The following NYAP2 variants were observed in gnomAD, a reference collection of about 807,000 sequenced individuals.
NYAP2 encodes the protein neuronal tyrosine-phosphorylated phosphoinositide-3-kinase adapter 2.
NYAP2 carries 23 observed loss-of-function variants against 50.4 expected under a neutral mutation model. That is an observed-to-expected ratio of 0.46 (90% CI 0.33 to 0.65). The LOEUF (loss-of-function observed/expected upper bound fraction) is 0.65. Among genes scored for constraint, NYAP2 ranks in the 30% least tolerant of loss-of-function variants. The probability of loss-of-function intolerance (pLI) is 0.02; values close to 1 mark genes in which losing one functional copy is unlikely to be tolerated. For synonymous variants in NYAP2, 394 were observed against 365.2 expected (o/e 1.08, Z -0.90); for missense variants, 885 against 861.0 (o/e 1.03, Z -0.35).
At chr2:225,689,988 C>G in the NYAP2 span, among the ~76,000 whole-genome samples, 940 of 152,204 alleles carry the variant, frequency 6.2e-3, 15 homozygotes, top group African/African-American at 0.021. Flanking sequence ...AAAGCCCCTA[C>G]TATTTTGGTA....
At chr2:225,481,840 T>C (rs1167433875) in intron 3 of NYAP2, among the ~76,000 whole-genome samples, 2 of 152,116 alleles carry the variant, frequency 1.3e-5, no homozygotes, top group African/African-American at 4.8e-5. Context: ...TGGTCCAACA[T>C]TGTGCTAAGT....
Position 225,639,475 on chromosome 2 carries a change from C to CT in NYAP2, c.1829-11948dup, listed in dbSNP as rs533076137. 1.9e-3 allele frequency among the ~76,000 whole-genome samples: 285 copies of CT among 150,866 alleles called. 1 individual carries two copies. The highest frequency in any genetic ancestry group is 3.1e-3 in the Non-Finnish European group (210 of 67,628). ...TGGTATCATTATCTGACATTTTTTTCTTTTTTTTTGGTGATAAAACTGAGG... is the reference window on the plus strand; with the variant it reads ...TGGTATCATTATCTGACATTTTTTTCTTTTTTTTTTGGTGATAAAACTGAGG... On this transcript the variant is annotated intron_variant, in intron 6 of 6. Coordinates refer to ENST00000636099, the Ensembl canonical transcript of NYAP2.
chr2:225,615,229 G>T (rs908246850), intron 5 of NYAP2, among the ~76,000 whole-genome samples: 2 of 152,164 alleles, frequency 1.3e-5, no homozygotes, highest in African/African-American at 4.8e-5. Context: ...CATGTGGCTA[G>T]TCTCTTGACT....
At chr2:225,467,389 T>C (rs1029457292) in intron 3 of NYAP2, among the ~76,000 whole-genome samples, 2 of 152,172 alleles carry the variant, frequency 1.3e-5, no homozygotes, top group African/African-American at 4.8e-5. Flanking sequence ...AGTTAAAAAC[T>C]GCCTGACCAT....
chr2:225,423,277 C>G (rs1381445263), intron 3 of NYAP2, among the ~76,000 whole-genome samples: 3 of 152,122 alleles, frequency 2.0e-5, no homozygotes, highest in Non-Finnish European at 4.4e-5. Flanking sequence ...ATGCAGTGAC[C>G]CTGTCTATCC....
At chr2:225,446,779 A>G (rs1689571629) in intron 3 of NYAP2, among the ~76,000 whole-genome samples, 1 of 152,174 alleles carries the variant, frequency 6.6e-6, no homozygotes, top group African/African-American at 2.4e-5. Context: ...TAACAGGGCC[A>G]CAAGGATGAC....
chr2:225,696,153 A>T, the NYAP2 span, among the ~76,000 whole-genome samples: 1 of 152,112 alleles, frequency 6.6e-6, no homozygotes, highest in Non-Finnish European at 1.5e-5. Flanking sequence ...AATTAGAAAA[A>T]TATCAACTCT....
intron 5 of NYAP2, among the ~76,000 whole-genome samples, chr2:225,622,793 C>T (rs1693144601): frequency 6.6e-6 from 1 of 151,742 alleles, no homozygotes. Context: ...TTGGCCAGGC[C>T]AGGCTGCTCT....
At chr2:225,416,971 G>A (rs554362999) in intron 3 of NYAP2, among the ~76,000 whole-genome samples, 11 of 152,242 alleles carry the variant, frequency 7.2e-5, no homozygotes, top group African/African-American at 2.6e-4. Context: ...GAGAATTTAA[G>A]GTAATCTTTC....
intron 5 of NYAP2, among the ~76,000 whole-genome samples, chr2:225,617,680 C>G (rs1326641243): frequency 6.6e-6 from 1 of 152,058 alleles, no homozygotes; most frequent in Admixed American, 6.5e-5. Context: ...CTATTAATAA[C>G]AAGTGGTAAT....
At chr2:225,627,104 G>A (rs764738086) in exon 6 of NYAP2, 1 of 1,589,414 alleles carries the variant, frequency 6.3e-7, no homozygotes, top group Admixed American at 1.8e-5. Context: ...GCCCCACCTT[G>A]TTAGCGGGAA....
intron 4 of NYAP2, among the ~76,000 whole-genome samples, chr2:225,524,622 A>G (rs1691121034): frequency 6.6e-6 from 1 of 152,212 alleles, no homozygotes; most frequent in South Asian, 2.1e-4. Flanking sequence ...AGATCCAAAT[A>G]TAAGACCTGA....
intron 3 of NYAP2, among the ~76,000 whole-genome samples, chr2:225,445,295 T>C (rs1186953629): frequency 6.6e-6 from 1 of 152,194 alleles, no homozygotes; most frequent in East Asian, 1.9e-4. Flanking sequence ...ATGTACTTTA[T>C]GTACTTTTCC....
intron 3 of NYAP2, among the ~76,000 whole-genome samples, chr2:225,484,693 T>C (rs1382997865): frequency 6.6e-6 from 1 of 152,216 alleles, no homozygotes; most frequent in Non-Finnish European, 1.5e-5. Context: ...ATTTTCTCAC[T>C]TGGAGAATGA....
intron 3 of NYAP2, among the ~76,000 whole-genome samples, chr2:225,413,077 C>T: frequency 6.6e-6 from 1 of 152,116 alleles, no homozygotes; most frequent in East Asian, 1.9e-4. Context: ...CTATCTAAAA[C>T]CTTCCTTTCT....
the NYAP2 span, among the ~76,000 whole-genome samples, chr2:225,667,290 T>C: frequency 3.3e-5 from 5 of 151,986 alleles, no homozygotes; most frequent in Admixed American, 3.3e-4. Context: ...TGTGAATATA[T>C]AAATATAAAT....
At chr2:225,544,214 A>G (rs1401870731) in intron 4 of NYAP2, among the ~76,000 whole-genome samples, 1 of 146,446 alleles carries the variant, frequency 6.8e-6, no homozygotes, top group Non-Finnish European at 1.5e-5. Context: ...AAAGCAGATG[A>G]TTGGGTGTTT....
the NYAP2 span, among the ~76,000 whole-genome samples, chr2:225,665,807 TAAAAAAAAAAAAAAAAA>T: frequency 3.3e-4 from 7 of 20,998 alleles, no homozygotes; most frequent in South Asian, 5.4e-3. Flanking sequence ...AGCCTCCGTC[TAAAAAAAAAAAAAAAAA>T]AAAAAAAAAA....
exon 7 of NYAP2, chr2:225,651,931 T>C (rs1693740330): frequency 5.6e-6 from 1 of 177,472 alleles, no homozygotes; most frequent in Admixed American, 6.0e-5. Flanking sequence ...GATAAATTTA[T>C]CTACTTTGTT....
Sources: gnomAD v4.1 joint callset for allele counts (sites outside exome capture counted in the v4.1 genomes callset) on GRCh38, gnomAD v4.1.1 for gene constraint, MANE v1.5 for transcripts, NCBI Gene and HGNC (gene_info 2026-07-23, HGNC 2026-07-21) for gene names.